SLC39A11: variants seen among roughly 807,000 people sequenced by gnomAD.
SLC39A11 encodes the protein solute carrier family 39 member 11.
A neutral mutation model predicts 36.1 loss-of-function variants in SLC39A11; 33 were observed. The observed-to-expected ratio is 0.91, with a 90% confidence interval of 0.69 to 1.22. SLC39A11 has a LOEUF of 1.22. Among genes scored for constraint, SLC39A11 ranks in the 50% most tolerant of loss-of-function variants. The pLI is 0.00. For synonymous variants in SLC39A11, 166 were observed against 170.3 expected (o/e 0.97, Z 0.20); for missense variants, 432 against 430.3 (o/e 1.00, Z -0.03).
At chr17:72,654,913 C>G (rs915191571) in intron 7 of SLC39A11, among the ~76,000 whole-genome samples, 1 of 152,178 alleles carries the variant, frequency 6.6e-6, no homozygotes, top group Non-Finnish European at 1.5e-5. Context: ...GCTGTGGGAG[C>G]CTCCTCCACA....
chr17:72,815,691 G>A (rs898848011), intron 6 of SLC39A11, among the ~76,000 whole-genome samples: 1 of 152,154 alleles, frequency 6.6e-6, no homozygotes, highest in African/African-American at 2.4e-5. Flanking sequence ...GGAGGCCAAG[G>A]CAGGCAGATC....
At chr17:73,038,615 G>A (rs751666554) in intron 3 of SLC39A11, among the ~76,000 whole-genome samples, 14 of 151,754 alleles carry the variant, frequency 9.2e-5, no homozygotes, top group Non-Finnish European at 1.9e-4. Flanking sequence ...GCTGAGACAG[G>A]AGAATCACTT....
chr17:72,704,654 C>T (rs1054522729), intron 7 of SLC39A11, among the ~76,000 whole-genome samples: 12 of 152,220 alleles, frequency 7.9e-5, no homozygotes, highest in African/African-American at 2.7e-4. Context: ...ATGGAATCAA[C>T]CATGAAGGAC....
intron 4 of SLC39A11, among the ~76,000 whole-genome samples, chr17:73,010,809 C>T (rs1044578197): frequency 1.3e-5 from 2 of 152,150 alleles, no homozygotes; most frequent in Non-Finnish European, 2.9e-5. Context: ...GTTTGTAGGG[C>T]CAAAAAAGCG....
At chr17:72,834,217 G>A (rs1424392660) in intron 6 of SLC39A11, among the ~76,000 whole-genome samples, 1 of 152,190 alleles carries the variant, frequency 6.6e-6, no homozygotes, top group East Asian at 1.9e-4. Context: ...TTTGATGTGT[G>A]GCTAAGTCAT....
intron 5 of SLC39A11, among the ~76,000 whole-genome samples, chr17:72,896,489 A>C (rs1303309696): frequency 6.6e-6 from 1 of 152,082 alleles, no homozygotes; most frequent in Non-Finnish European, 1.5e-5. Context: ...GGCATGAGTC[A>C]CTGCACCCGG....
At chr17:72,793,188 G>A (rs975281322) in intron 6 of SLC39A11, among the ~76,000 whole-genome samples, 1 of 152,042 alleles carries the variant, frequency 6.6e-6, no homozygotes, top group Non-Finnish European at 1.5e-5. Flanking sequence ...AATGAGGATG[G>A]GCTTATGGCA....
At chr17:72,897,863 A>G (rs960320997) in intron 5 of SLC39A11, among the ~76,000 whole-genome samples, 2 of 152,196 alleles carry the variant, frequency 1.3e-5, no homozygotes, top group African/African-American at 2.4e-5. Context: ...TACTGAGGGT[A>G]GTTAAAGTAT....
At chr17:72,898,079 G>A (rs768202388) in intron 5 of SLC39A11, among the ~76,000 whole-genome samples, 14 of 152,182 alleles carry the variant, frequency 9.2e-5, no homozygotes, top group South Asian at 2.1e-4. Flanking sequence ...AGGGGGAAGA[G>A]CCAAGTGAAC....
intron 7 of SLC39A11, among the ~76,000 whole-genome samples, chr17:72,689,090 G>A (rs966027311): frequency 9.9e-5 from 15 of 152,048 alleles, no homozygotes; most frequent in Admixed American, 5.9e-4. Flanking sequence ...GACCCCTCCC[G>A]AGCCCCTTGC....
At chr17:72,971,834 C>T (rs11867291) in intron 4 of SLC39A11, among the ~76,000 whole-genome samples, 5,684 of 151,916 alleles carry the variant, frequency 0.037, 135 homozygotes, top group Non-Finnish European at 0.057. Flanking sequence ...GTGGGAGGGG[C>T]GCAGGATTCC....
chr17:72,769,858 T>G (rs1177780712), intron 6 of SLC39A11, among the ~76,000 whole-genome samples: 1 of 152,184 alleles, frequency 6.6e-6, no homozygotes, highest in African/African-American at 2.4e-5. Context: ...ATTGCCTCCT[T>G]TGGAAAGGCC....
chr17:72,776,610 GAAAAAA>G (rs34044701), intron 6 of SLC39A11, among the ~76,000 whole-genome samples: 2 of 119,856 alleles, frequency 1.7e-5, no homozygotes, highest in Non-Finnish European at 3.3e-5. Flanking sequence ...ACTTTGCATG[GAAAAAA>G]AAAAAAAAAA....
intron 6 of SLC39A11, chr17:72,823,883 C>A (rs1301131838): frequency 1.3e-5 from 2 of 151,206 alleles, no homozygotes; most frequent in African/African-American, 2.4e-5. Context: ...TAAATGGAAA[C>A]CTGTAGAGAG....
rs561290052 is a variant in SLC39A11 at position 73,031,520 on chromosome 17, T to C, written c.306+36A>G. ...AATTCATTGCACAGAGCTGGTTGTA[T>C]CCCGATACGACAGCTAAAAGTAGAG... On this transcript the variant is annotated intron_variant, in intron 4 of 9. Coordinates refer to ENST00000255559, the MANE Select transcript of SLC39A11 (RefSeq NM_139177.4). The C allele has an allele frequency of 5.0e-6, 8 of 1,611,302 alleles. No homozygotes were observed. In the East Asian group the frequency reaches 8.9e-5, roughly 18 times the overall value.
chr17:72,957,051 G>C (rs982164578), intron 4 of SLC39A11, among the ~76,000 whole-genome samples: 2 of 152,080 alleles, frequency 1.3e-5, no homozygotes, highest in Non-Finnish European at 2.9e-5. Context: ...GAGTTGACTG[G>C]AAAACACTGA....
At position 72,729,438 on chromosome 17, in the gene SLC39A11, TATATATATATA is replaced by T. The variant is rs2074103062; in HGVS notation, c.671+7201_671+7211del. ...ATATATATATATATATATATATATA[TATATATATATA>T]TATATATATTTTTTTTTTTTTTTTT... On this transcript the variant is annotated intron_variant, in intron 7 of 9. Transcript: ENST00000255559. 3.4e-3 allele frequency among the ~76,000 whole-genome samples: 16 copies of T among 4,772 alleles called. 3 individuals carry two copies. Among genetic ancestry groups the T allele is most frequent in the African/African-American group, 0.01 (10 of 986 alleles). 3.1% of individuals were successfully genotyped at this position (4,772 alleles called of 152,430 possible).
In SLC39A11 at chr17:72,699,869, G is replaced by A. The variant is rs139457855; in HGVS notation, c.671+36781C>T. Among the ~76,000 whole-genome samples the A allele has an allele frequency of 2.8e-3, 433 of 152,210 alleles. 1 individual carries two copies. The highest frequency in any genetic ancestry group is 0.01 in the African/African-American group (418 of 41,538). On this transcript the variant is annotated intron_variant, in intron 7 of 9. Transcript: ENST00000255559. ...TGAAATCCTGAAATCACTAGCTTTC[G>A]GGTTTGCTACCTACATCCGCCCCTC...
rs78250478 is a variant in SLC39A11, at chr17:73,068,564, C to T, written c.147+16244G>A. ...CCTCCTCATTTCCGGTAGAGTCCCC[C>T]TCAGTCCATAAGGCAGAACGGTGAT... On this transcript the variant is annotated intron_variant, in intron 3 of 9. Coordinates refer to ENST00000255559, the MANE Select transcript of SLC39A11 (RefSeq NM_139177.4). Among the ~76,000 whole-genome samples, 23 of 152,280 alleles carry T rather than the reference C, an allele frequency of 1.5e-4. No individual in the cohort carries two copies. In the East Asian group the frequency reaches 3.1e-3, roughly 20 times the overall value.
Sources: gnomAD v4.1 joint callset for allele counts (sites outside exome capture counted in the v4.1 genomes callset) on GRCh38, gnomAD v4.1.1 for gene constraint, MANE v1.5 for transcripts, NCBI Gene and HGNC (gene_info 2026-07-23, HGNC 2026-07-21) for gene names.